Variants in HIVEP3 observed in about 807,000 individuals in gnomAD.
The protein encoded by HIVEP3 is HIVEP zinc finger 3.
A neutral mutation model predicts 152.8 loss-of-function variants in HIVEP3; 49 were observed. The observed-to-expected ratio is 0.32, with a 90% CI of 0.26 to 0.41. The LOEUF is 0.41. HIVEP3 is among the 10% of genes least tolerant of loss of function. HIVEP3 has a pLI of 1.00. For missense variants in HIVEP3, 2,790 were observed against 3,103.3 expected (o/e 0.90, Z 2.40); for synonymous variants, 1,269 against 1,289.0 (o/e 0.98, Z 0.33).
At chr1:41,705,057 G>T (rs962087561) in intron 1 of HIVEP3, among the ~76,000 whole-genome samples, 1 of 152,214 alleles carries the variant, frequency 6.6e-6, no homozygotes, top group Non-Finnish European at 1.5e-5. Context: ...ACTGTGCGAG[G>T]TTCTGGTATA....
At chr1:41,665,707 T>TATACACACACACAC (rs1553245979) in intron 2 of HIVEP3, among the ~76,000 whole-genome samples, 6 of 127,932 alleles carry the variant, frequency 4.7e-5, no homozygotes, top group South Asian at 2.8e-4. Flanking sequence ...GGAAATGTTA[T>TATACACACACACAC]ACACACACAC....
intron 1 of HIVEP3, among the ~76,000 whole-genome samples, chr1:41,903,846 A>G (rs1320784786): frequency 6.6e-6 from 1 of 151,732 alleles, no homozygotes; most frequent in Non-Finnish European, 1.5e-5. Flanking sequence ...TTGCATCCCT[A>G]CTGACCATTT....
At chr1:41,605,465 A>G (rs1644810160) in intron 3 of HIVEP3, among the ~76,000 whole-genome samples, 1 of 152,186 alleles carries the variant, frequency 6.6e-6, no homozygotes, top group Non-Finnish European at 1.5e-5. Flanking sequence ...GTTTGTGTAC[A>G]TAACTGTATG....
At chr1:41,786,220 C>T (rs557270073) in intron 1 of HIVEP3, among the ~76,000 whole-genome samples, 14 of 152,316 alleles carry the variant, frequency 9.2e-5, no homozygotes, top group African/African-American at 1.2e-4. Flanking sequence ...ATGATACTTG[C>T]ATCCACCCTA....
intron 5 of HIVEP3, among the ~76,000 whole-genome samples, chr1:41,565,997 C>G (rs1644157205): frequency 6.6e-6 from 1 of 152,110 alleles, no homozygotes; most frequent in African/African-American, 2.4e-5. Context: ...GGTTTCACAG[C>G]ACATCATCAG....
chr1:41,882,064 T>C (rs1644270108), intron 1 of HIVEP3, among the ~76,000 whole-genome samples: 1 of 152,238 alleles, frequency 6.6e-6, no homozygotes, highest in African/African-American at 2.4e-5. Context: ...AATGTTTTTG[T>C]AGACACATTA....
chr1:41,703,449 T>C (rs1314086504), intron 1 of HIVEP3, among the ~76,000 whole-genome samples: 1 of 152,214 alleles, frequency 6.6e-6, no homozygotes, highest in Admixed American at 6.5e-5. Context: ...ATCCTGATTC[T>C]GATACTTAAT....
At chr1:41,833,805 A>G (rs1643035887) in intron 1 of HIVEP3, among the ~76,000 whole-genome samples, 1 of 152,196 alleles carries the variant, frequency 6.6e-6, no homozygotes, top group African/African-American at 2.4e-5. Context: ...TCATCTGGAT[A>G]ATAACTAACC....
intron 1 of HIVEP3, among the ~76,000 whole-genome samples, chr1:41,771,731 T>G (rs1336189897): frequency 6.6e-6 from 1 of 152,068 alleles, no homozygotes; most frequent in East Asian, 1.9e-4. Context: ...TGCAGTGGTG[T>G]AATCTTGGCT....
At chr1:41,807,885 G>A (rs1488258265) in intron 1 of HIVEP3, among the ~76,000 whole-genome samples, 2 of 152,136 alleles carry the variant, frequency 1.3e-5, no homozygotes, top group African/African-American at 2.4e-5. Flanking sequence ...AGTCATGATG[G>A]GGGGCAGGGG....
intron 5 of HIVEP3, among the ~76,000 whole-genome samples, chr1:41,530,294 C>T (rs139822728): frequency 6.8e-4 from 103 of 152,342 alleles, no homozygotes; most frequent in African/African-American, 2.4e-3. Context: ...GGCGGCGGTA[C>T]GCAGAAATGA....
rs149162275 is a variant in HIVEP3, at chr1:41,762,636, C to T, written c.-800-61641G>A. Among the ~76,000 whole-genome samples, 1,120 of 152,322 alleles carry T rather than the reference C, an allele frequency of 7.4e-3. 8 individuals are homozygous for T. The highest frequency in any genetic ancestry group is 0.024 in the African/African-American group (981 of 41,560). ...GTCCAAATGCAAGCCCCACACAAAG[C>T]CTGCTCCTGTGCTGGCACTTGGAGC... On this transcript the variant is annotated intron_variant, in intron 1 of 8. Coordinates refer to ENST00000372583, the MANE Select transcript of HIVEP3 (RefSeq NM_024503.5).
intron 2 of HIVEP3, among the ~76,000 whole-genome samples, chr1:41,684,057 A>T (rs1158040719): frequency 1.3e-5 from 2 of 152,142 alleles, no homozygotes; most frequent in Admixed American, 1.3e-4. Flanking sequence ...CCTTTGCCTG[A>T]CCTTGAGATC....
chr1:41,790,005 G>A (rs1351504243), intron 1 of HIVEP3, among the ~76,000 whole-genome samples: 5 of 152,184 alleles, frequency 3.3e-5, no homozygotes, highest in African/African-American at 1.2e-4. Flanking sequence ...TGGAGTAAAA[G>A]CAACTCCTTT....
chr1:41,717,606 G>A (rs924688473), intron 1 of HIVEP3, among the ~76,000 whole-genome samples: 4 of 152,180 alleles, frequency 2.6e-5, no homozygotes, highest in African/African-American at 9.7e-5. Context: ...ACATGCAAAG[G>A]CCCTGAGGCA....
chr1:41,699,866 C>T (rs1646335390), intron 2 of HIVEP3, among the ~76,000 whole-genome samples: 1 of 152,044 alleles, frequency 6.6e-6, no homozygotes. Context: ...GACTGTCTCC[C>T]TTCCCTGCTT....
chr1:41,681,594 C>T (rs1378707691), intron 2 of HIVEP3, among the ~76,000 whole-genome samples: 2 of 152,196 alleles, frequency 1.3e-5, no homozygotes, highest in Admixed American at 1.3e-4. Flanking sequence ...CACCCTTGCA[C>T]CACATTCTTT....
At chr1:41,513,902 G>GT (rs1642527591) in intron 7 of HIVEP3, 152 bp from the exon 8 acceptor site, 3 of 585,872 alleles carry the variant, frequency 5.1e-6, no homozygotes, top group Admixed American at 3.6e-5. Flanking sequence ...ACCAAGAAAC[G>GT]TAACAGATAT....
chr1:41,967,964 C>T (rs1037979035), intron 1 of HIVEP3, among the ~76,000 whole-genome samples: 1 of 152,096 alleles, frequency 6.6e-6, no homozygotes, highest in Non-Finnish European at 1.5e-5. Context: ...TGGATAAATT[C>T]CTAGACACAT....
Sources: gnomAD v4.1 joint callset for allele counts (sites outside exome capture counted in the v4.1 genomes callset) on GRCh38, gnomAD v4.1.1 for gene constraint, MANE v1.5 for transcripts, NCBI Gene and HGNC (gene_info 2026-07-23, HGNC 2026-07-21) for gene names.